The following AKAP6 variants were observed in gnomAD, a reference collection of about 807,000 sequenced individuals.
AKAP6 encodes the protein A-kinase anchor protein 6.
Under a neutral mutation model 188.5 loss-of-function variants are expected in AKAP6, and 58 were observed. The observed-to-expected ratio is 0.31, with a 90% CI of 0.25 to 0.38. The LOEUF is 0.38. AKAP6 is among the 10% of genes least tolerant of loss of function. The probability of loss-of-function intolerance (pLI) is 1.00; values close to 1 mark genes in which losing one functional copy is unlikely to be tolerated. For missense variants in AKAP6, 2,710 were observed against 2,740.0 expected, an observed-to-expected ratio of 0.99 and a Z score of 0.24; for synonymous variants, 989 against 998.6, an observed-to-expected ratio of 0.99 and a Z score of 0.18.
intron 1 of AKAP6, among the ~76,000 whole-genome samples, chr14:32,393,381 A>G (rs1459879684): frequency 6.6e-6 from 1 of 152,182 alleles, no homozygotes; most frequent in Non-Finnish European, 1.5e-5. Context: ...TGTCATGGTC[A>G]TAAAAGACAA....
chr14:32,556,162 G>A (rs936808896), intron 4 of AKAP6, among the ~76,000 whole-genome samples: 3 of 152,052 alleles, frequency 2.0e-5, no homozygotes, highest in African/African-American at 7.2e-5. Flanking sequence ...GTGGGTGTAA[G>A]GTGATAGATC....
chr14:32,651,077 G>A (rs1459420279), intron 7 of AKAP6, among the ~76,000 whole-genome samples: 2 of 152,148 alleles, frequency 1.3e-5, no homozygotes, highest in Non-Finnish European at 2.9e-5. Flanking sequence ...AGGGCTTTGG[G>A]ACTTGTGTAG....
intron 7 of AKAP6, among the ~76,000 whole-genome samples, chr14:32,665,054 T>A (rs1321774262): frequency 2.6e-5 from 4 of 152,036 alleles, no homozygotes; most frequent in African/African-American, 9.7e-5. Context: ...GAACTGTGAT[T>A]TTCCTCTACT....
In AKAP6 at chr14:32,546,708, T is replaced by C. The variant is rs1211793600; in HGVS notation, c.2055T>C (p.His685=). 1 of 1,614,098 alleles carries C rather than the reference T, an allele frequency of 6.2e-7. No homozygotes were observed. The highest frequency in any genetic ancestry group is 1.1e-5 in the South Asian group (1 of 91,076). ...NSDSEIYPTY[H]VKKKHTRLGR... Reference sequence around the variant, plus strand: ...ATTCTGAAATCTATCCAACCTATCATGTCAAAAAGAAGCATACAAGGCTAG... The same window carrying C: ...ATTCTGAAATCTATCCAACCTATCACGTCAAAAAGAAGCATACAAGGCTAG... Residue 685 remains histidine (H), a synonymous_variant, in exon 4 of 14, where the codon CAT becomes CAC. Coordinates refer to ENST00000280979, the MANE Select transcript of AKAP6 (RefSeq NM_004274.5).
intron 7 of AKAP6, among the ~76,000 whole-genome samples, chr14:32,629,115 G>A (rs1399853627): frequency 6.6e-6 from 1 of 152,070 alleles, no homozygotes; most frequent in Non-Finnish European, 1.5e-5. Context: ...CAACAAGGAA[G>A]GAGCTGGGGT....
At chr14:32,722,546 C>T (rs1267254932) in intron 9 of AKAP6, among the ~76,000 whole-genome samples, 8 of 152,218 alleles carry the variant, frequency 5.3e-5, no homozygotes, top group South Asian at 4.2e-4. Context: ...TGGCCCACCA[C>T]GCCCCCTACC....
intron 2 of AKAP6, among the ~76,000 whole-genome samples, chr14:32,510,308 A>T (rs1461280789): frequency 1.3e-5 from 2 of 150,668 alleles, no homozygotes; most frequent in African/African-American, 4.9e-5. Flanking sequence ...ATTATTAAAA[A>T]GTATTCCATG....
At chr14:32,548,856 A>T (rs1883324624) in intron 4 of AKAP6, among the ~76,000 whole-genome samples, 1 of 152,232 alleles carries the variant, frequency 6.6e-6, no homozygotes. Context: ...GACTGGATAG[A>T]GAATATTGAT....
chr14:32,480,714 A>G (rs1305670906), intron 2 of AKAP6, among the ~76,000 whole-genome samples: 1 of 152,160 alleles, frequency 6.6e-6, no homozygotes, highest in African/African-American at 2.4e-5. Context: ...GTGATGCAAG[A>G]CAAACTCTCA....
intron 7 of AKAP6, among the ~76,000 whole-genome samples, chr14:32,653,112 G>T (rs1227170380): frequency 1.3e-5 from 2 of 152,086 alleles, no homozygotes; most frequent in Non-Finnish European, 2.9e-5. Context: ...GGACAACTTT[G>T]CATGTCATAA....
chr14:32,783,756 A>G (rs2140027119), intron 12 of AKAP6, among the ~76,000 whole-genome samples: 1 of 152,278 alleles, frequency 6.6e-6, no homozygotes, highest in Middle Eastern at 3.4e-3. Context: ...TGAGGCAAAG[A>G]AAATTTCAGC....
At chr14:32,508,973 C>T (rs190568702) in intron 2 of AKAP6, among the ~76,000 whole-genome samples, 2 of 151,386 alleles carry the variant, frequency 1.3e-5, no homozygotes, top group East Asian at 3.9e-4. Context: ...TATAGGCGTG[C>T]ACCACCATGC....
chr14:32,390,981 A>G (rs1025168034), intron 1 of AKAP6, among the ~76,000 whole-genome samples: 2 of 152,112 alleles, frequency 1.3e-5, no homozygotes, highest in African/African-American at 2.4e-5. Context: ...CTACTAATGT[A>G]GCATGTGCCT....
At position 32,834,029 on chromosome 14, in the gene AKAP6, A is replaced by G. The variant is rs567116773; in HGVS notation, c.*4224A>G. On this transcript the variant is annotated 3_prime_UTR_variant, in exon 14 of 14. Transcript: ENST00000280979. ...AGAGTATGATACTTCATCTGCAAAT[A>G]CTTCAGCATGTGTTAGCTGAGAACA... 11 of 152,342 alleles carry G rather than the reference A, an allele frequency of 7.2e-5. No individual in the cohort carries two copies. Among genetic ancestry groups the G allele is most frequent in the Non-Finnish European group, 1.3e-4 (9 of 68,042 alleles). 9.4% of individuals were successfully genotyped at this position (152,342 alleles called of 1,614,324 possible).
chr14:32,511,669 T>C (rs1297176438), intron 2 of AKAP6, among the ~76,000 whole-genome samples: 1 of 152,148 alleles, frequency 6.6e-6, no homozygotes, highest in Non-Finnish European at 1.5e-5. Context: ...TATTAACTAT[T>C]GATAACCCCT....
chr14:32,643,068 ACT>A (rs1887827675), intron 7 of AKAP6, among the ~76,000 whole-genome samples: 1 of 152,146 alleles, frequency 6.6e-6, no homozygotes, highest in South Asian at 2.1e-4. Flanking sequence ...TTTCAATATA[ACT>A]CTTATGAAAC....
At chr14:32,469,416 C>G (rs1198667386) in intron 2 of AKAP6, among the ~76,000 whole-genome samples, 1 of 152,100 alleles carries the variant, frequency 6.6e-6, no homozygotes, top group Non-Finnish European at 1.5e-5. Context: ...TATTAAACTA[C>G]CAGTAGATTC....
At chr14:32,590,885 T>C (rs948216520) in intron 5 of AKAP6, among the ~76,000 whole-genome samples, 12 of 152,260 alleles carry the variant, frequency 7.9e-5, no homozygotes, top group African/African-American at 2.6e-4. Context: ...CATTACAAAA[T>C]TTATTAAATT....
intron 11 of AKAP6, among the ~76,000 whole-genome samples, chr14:32,765,708 TA>T (rs35137560): frequency 0.059 from 8,486 of 142,690 alleles, 333 homozygotes; most frequent in African/African-American, 0.11. Context: ...AGCCATAACT[TA>T]AAAAAAAAAA....
Sources: allele counts gnomAD v4.1 joint callset (sites outside exome capture counted in the v4.1 genomes callset), GRCh38; gene constraint gnomAD v4.1.1; transcripts MANE v1.5; gene names NCBI Gene and HGNC (gene_info 2026-07-23, HGNC 2026-07-21).